Variants in EPB41 observed in about 807,000 individuals in gnomAD.
EPB41 encodes erythrocyte membrane protein band 4.1.
In EPB41, 65 loss-of-function variants were observed where a neutral mutation model predicts 108.0. The ratio of observed to expected loss-of-function variants is 0.60; its 90% CI spans 0.49 to 0.74. The LOEUF is 0.74. Ranked by LOEUF, EPB41 falls within the 30% of genes least tolerant of loss-of-function variation. The pLI is 0.00. For synonymous variants in EPB41, 336 were observed against 358.9 expected (o/e 0.94, Z 0.72); for missense variants, 875 against 1,037.0 (o/e 0.84, Z 2.15).
chr1:28,895,054 C>T (rs1245642959), intron 1 of EPB41, among the ~76,000 whole-genome samples: 2 of 152,118 alleles, frequency 1.3e-5, no homozygotes, highest in African/African-American at 4.8e-5. Context: ...GGTTCTGTAA[C>T]CCCTTCTCTG....
intron 1 of EPB41, among the ~76,000 whole-genome samples, chr1:28,957,675 G>A (rs1284037940): frequency 6.6e-6 from 1 of 152,200 alleles, no homozygotes; most frequent in African/African-American, 2.4e-5. Flanking sequence ...AAAGTGCCAG[G>A]ATTACAGATG....
rs2096571345 is a variant in EPB41, at chr1:29,015,838, A to G, written c.905+71A>G. ...GTATGATGAGACAGTAATTCTTACC[A>G]CCATAAGCTCTGCTAATTCCGTATT... On this transcript the variant is annotated intron_variant, in intron 6 of 20. Transcript: ENST00000343067. 4.9e-5 allele frequency: 50 copies of G among 1,018,398 alleles called. No homozygotes were observed. In the South Asian group the frequency reaches 6.8e-4, roughly 14 times the overall value. The allele number at this position is 1,018,398 out of a possible 1,614,324, so 63.1% of individuals were successfully genotyped here. A position where few individuals can be genotyped will look rare whatever the true frequency, so the allele number is the denominator to read the frequency against.
intron 17 of EPB41, among the ~76,000 whole-genome samples, chr1:29,101,466 T>C (rs1053891414): frequency 3.3e-5 from 5 of 152,218 alleles, no homozygotes; most frequent in Middle Eastern, 3.4e-3. Context: ...CCCTATTCTC[T>C]CTTTCGTGGT....
chr1:28,983,373 G>A (rs945238967), intron 1 of EPB41, among the ~76,000 whole-genome samples: 4 of 152,106 alleles, frequency 2.6e-5, no homozygotes, highest in Non-Finnish European at 4.4e-5. Flanking sequence ...TTTGCAGTAC[G>A]TTCTCAAAGT....
intron 1 of EPB41, chr1:28,889,936 G>C (rs2089927451): frequency 1.7e-6 from 1 of 572,526 alleles, no homozygotes; most frequent in South Asian, 7.6e-5. Context: ...TTGCAGAATG[G>C]GCCTGTATGA....
intron 1 of EPB41, among the ~76,000 whole-genome samples, chr1:28,974,589 T>C (rs532811776): frequency 6.6e-6 from 1 of 152,176 alleles, no homozygotes; most frequent in African/African-American, 2.4e-5. Flanking sequence ...GTGTATACGA[T>C]GAACAGATGG....
At chr1:29,073,296 C>A (rs1309291806) in intron 16 of EPB41, among the ~76,000 whole-genome samples, 1 of 151,892 alleles carries the variant, frequency 6.6e-6, no homozygotes, top group Non-Finnish European at 1.5e-5. Flanking sequence ...TGGGTTTTTG[C>A]TTTGGTTTTG....
intron 1 of EPB41, among the ~76,000 whole-genome samples, chr1:28,901,105 A>AT (rs1557620909): frequency 1.3e-5 from 2 of 149,296 alleles, no homozygotes; most frequent in Admixed American, 6.7e-5. Flanking sequence ...AATTTTTTGT[A>AT]TTTTTAGTAG....
intron 1 of EPB41, among the ~76,000 whole-genome samples, chr1:28,976,449 G>C (rs1388166947): frequency 2.0e-5 from 3 of 152,120 alleles, no homozygotes; most frequent in Non-Finnish European, 1.5e-5. Flanking sequence ...TGACCTCTGA[G>C]GCTCAAGTGA....
chr1:28,889,151 C>G (rs1421747666), intron 1 of EPB41, among the ~76,000 whole-genome samples: 1 of 152,186 alleles, frequency 6.6e-6, no homozygotes. Flanking sequence ...CAGGCTTGTA[C>G]TTTGTCAATA....
intron 1 of EPB41, chr1:28,985,612 G>A (rs2095854965): frequency 6.6e-6 from 1 of 152,250 alleles, no homozygotes; most frequent in Admixed American, 6.5e-5. Context: ...TGTAAGTAGA[G>A]AGAGCAGCAA....
At chr1:29,049,638 A>G (rs1041470007) in intron 11 of EPB41, among the ~76,000 whole-genome samples, 9 of 152,222 alleles carry the variant, frequency 5.9e-5, no homozygotes, top group Admixed American at 4.6e-4. Flanking sequence ...GTGCTAGTAA[A>G]TAACAGCTAG....
At chr1:29,091,098 C>G (rs1055596617) in intron 16 of EPB41, among the ~76,000 whole-genome samples, 2 of 152,164 alleles carry the variant, frequency 1.3e-5, no homozygotes, top group Non-Finnish European at 2.9e-5. Context: ...AGAGATTGTT[C>G]TGTCTAATTT....
At chr1:28,952,472 GC>G (rs2094772559) in intron 1 of EPB41, among the ~76,000 whole-genome samples, 1 of 152,084 alleles carries the variant, frequency 6.6e-6, no homozygotes, top group African/African-American at 2.4e-5. Flanking sequence ...GTTACAGTGA[GC>G]CAATATGGCA....
chr1:29,115,522 C>T lies in EPB41; in HGVS notation c.2497-177C>T, dbSNP rs80349828. ...GTCCCTGTGTTATCAGTCCAGAAGC[C>T]TCCCTATGCAGGATAGGGTGGGTAA... On this transcript the variant is annotated intron_variant, in intron 19 of 20. Coordinates refer to ENST00000343067, the MANE Select transcript of EPB41 (RefSeq NM_001376013.1). This position sits in a 1 kb window ranked among gnomAD's most constrained non-coding sequence, Gnocchi z 4.4. Among the ~76,000 whole-genome samples the T allele has an allele frequency of 0.023, 3,524 of 152,320 alleles. 74 individuals are homozygous for T. The highest frequency in any genetic ancestry group is 0.034 in the Non-Finnish European group (2,307 of 68,018).
chr1:29,030,306 G>A (rs2096772439), intron 7 of EPB41, 94 bp from the exon 8 acceptor site: 1 of 967,662 alleles, frequency 1.0e-6, no homozygotes, highest in South Asian at 1.3e-5. Flanking sequence ...GTATGTATAT[G>A]TTCATGTGTT....
chr1:29,019,752 A>T (rs1208882703), intron 7 of EPB41, among the ~76,000 whole-genome samples: 1 of 152,100 alleles, frequency 6.6e-6, no homozygotes, highest in East Asian at 1.9e-4. Flanking sequence ...ATGGATTGGG[A>T]TGCTTCAAAT....
intron 20 of EPB41, among the ~76,000 whole-genome samples, chr1:29,116,124 T>A (rs1367597993): frequency 9.4e-5 from 14 of 149,392 alleles, no homozygotes; most frequent in African/African-American, 1.5e-4. Flanking sequence ...TCTCTACTGC[T>A]CTGCTTGCTG....
intron 1 of EPB41, among the ~76,000 whole-genome samples, chr1:28,941,109 G>A (rs2094264042): frequency 6.6e-6 from 1 of 152,070 alleles, no homozygotes; most frequent in South Asian, 2.1e-4. Flanking sequence ...CAGGCTCAGT[G>A]GCTTATGCCT....
Sources: allele counts gnomAD v4.1 joint callset (sites outside exome capture counted in the v4.1 genomes callset), GRCh38; gene constraint gnomAD v4.1.1; non-coding constraint Gnocchi (gnomAD v3.1); transcripts MANE v1.5; gene names NCBI Gene and HGNC (gene_info 2026-07-23, HGNC 2026-07-21).